Variants in DLGAP2 observed in about 807,000 individuals in gnomAD.
The protein encoded by DLGAP2 is DLG associated protein 2, also known as disks large-associated protein 2.
Under a neutral mutation model 100.3 loss-of-function variants are expected in DLGAP2, and 26 were observed. That is an observed-to-expected ratio of 0.26 (90% CI 0.19 to 0.36). The LOEUF is 0.36. DLGAP2 is among the 10% of genes least tolerant of loss of function. The pLI is 1.00. For missense variants in DLGAP2, 1,858 were observed against 1,453.2 expected, an observed-to-expected ratio of 1.28 and a Z score of -4.53; for synonymous variants, 886 against 630.1, an observed-to-expected ratio of 1.41 and a Z score of -6.08.
At position 786,382 on chromosome 8, in the gene DLGAP2, C is replaced by T. The variant is rs543896711; in HGVS notation, c.18+48557C>T. Among the ~76,000 whole-genome samples the T allele has an allele frequency of 4.5e-4, 69 of 152,280 alleles. No individual in the cohort carries two copies. In the East Asian group the frequency reaches 5.8e-3, roughly 13 times the overall value. ...GTGGTGCTTCTCATGCCTGCATCTTCCGGGGACAGCCACCATTTTCGTCGA... is the reference window on the plus strand; with the variant it reads ...GTGGTGCTTCTCATGCCTGCATCTTTCGGGGACAGCCACCATTTTCGTCGA... On this transcript the variant is annotated intron_variant, in intron 1 of 14. Transcript: ENST00000637795.
chr8:954,477 C>T (rs946877424), intron 2 of DLGAP2, among the ~76,000 whole-genome samples: 1 of 152,110 alleles, frequency 6.6e-6, no homozygotes, highest in Non-Finnish European at 1.5e-5. Flanking sequence ...TGTTCATTGA[C>T]TAGAGAATGT....
intron 2 of DLGAP2, among the ~76,000 whole-genome samples, chr8:963,308 C>G (rs904099112): frequency 2.0e-5 from 3 of 151,816 alleles, no homozygotes; most frequent in Non-Finnish European, 4.4e-5. Flanking sequence ...CAAGTCAGCT[C>G]TCAGATGTGA....
chr8:817,867 G>A (rs1027079844), intron 1 of DLGAP2, among the ~76,000 whole-genome samples: 1 of 152,216 alleles, frequency 6.6e-6, no homozygotes, highest in Non-Finnish European at 1.5e-5. Flanking sequence ...GGCGGAGGGG[G>A]CAGGGGAATG....
chr8:1,509,190 G>T (rs535802416), intron 4 of DLGAP2, among the ~76,000 whole-genome samples: 1 of 152,088 alleles, frequency 6.6e-6, no homozygotes, highest in African/African-American at 2.4e-5. Flanking sequence ...TATTAGCCGG[G>T]CATGGTGGCG....
chr8:1,313,436 C>G (rs1452758687), intron 3 of DLGAP2, among the ~76,000 whole-genome samples: 1 of 152,170 alleles, frequency 6.6e-6, no homozygotes, highest in Non-Finnish European at 1.5e-5. Flanking sequence ...CAGCTATGCT[C>G]TCACCTATAA....
intron 1 of DLGAP2, among the ~76,000 whole-genome samples, chr8:797,542 T>A (rs1468972249): frequency 6.6e-6 from 1 of 152,194 alleles, no homozygotes; most frequent in Non-Finnish European, 1.5e-5. Flanking sequence ...TAGACATTTG[T>A]TTTCATTTCT....
At chr8:1,451,269 A>G (rs964302041) in intron 3 of DLGAP2, among the ~76,000 whole-genome samples, 3 of 151,968 alleles carry the variant, frequency 2.0e-5, no homozygotes. Flanking sequence ...ACATAACTAC[A>G]CCACTAAAAC....
intron 3 of DLGAP2, among the ~76,000 whole-genome samples, chr8:1,374,875 C>T (rs190500441): frequency 4.7e-4 from 72 of 152,286 alleles, no homozygotes; most frequent in African/African-American, 1.4e-3. Context: ...CCTGGCACTT[C>T]GTCTTCCGTG....
At chr8:1,246,311 A>G (rs902241563) in intron 2 of DLGAP2, among the ~76,000 whole-genome samples, 1 of 152,190 alleles carries the variant, frequency 6.6e-6, no homozygotes, top group Admixed American at 6.5e-5. Flanking sequence ...CCCACTATTC[A>G]CAGTTCTGTT....
chr8:1,286,587 G>A (rs1365398954), intron 3 of DLGAP2, among the ~76,000 whole-genome samples: 1 of 152,144 alleles, frequency 6.6e-6, no homozygotes, highest in South Asian at 2.1e-4. Flanking sequence ...CCCTCTCCAT[G>A]CCCATACCCT....
intron 3 of DLGAP2, among the ~76,000 whole-genome samples, chr8:1,284,246 G>C (rs1232253873): frequency 6.6e-6 from 1 of 152,192 alleles, no homozygotes; most frequent in African/African-American, 2.4e-5. Flanking sequence ...ACATTTCCAG[G>C]AGAGATTTTT....
intron 2 of DLGAP2, among the ~76,000 whole-genome samples, chr8:970,727 G>GA (rs1476597465): frequency 6.6e-6 from 1 of 151,988 alleles, no homozygotes; most frequent in African/African-American, 2.4e-5. Flanking sequence ...TTTAGTGTAG[G>GA]AAAAAATGCC....
chr8:865,360 G>A (rs1171277152), intron 1 of DLGAP2, among the ~76,000 whole-genome samples: 1 of 152,190 alleles, frequency 6.6e-6, no homozygotes, highest in East Asian at 1.9e-4. Context: ...TTAGCTTCTG[G>A]CGGAGAAGAT....
chr8:1,249,419 G>T (rs4384002), intron 2 of DLGAP2, among the ~76,000 whole-genome samples: 2 of 152,076 alleles, frequency 1.3e-5, no homozygotes, highest in Non-Finnish European at 2.9e-5. Context: ...AACTACTGAG[G>T]CCTAAATACA....
At chr8:1,191,289 G>T (rs572469720) in intron 2 of DLGAP2, among the ~76,000 whole-genome samples, 1 of 150,600 alleles carries the variant, frequency 6.6e-6, no homozygotes, top group East Asian at 2.0e-4. Flanking sequence ...TCCTGCCTCA[G>T]CCTCCCGAGT....
intron 3 of DLGAP2, among the ~76,000 whole-genome samples, chr8:1,359,053 G>T (rs1286339575): frequency 6.6e-6 from 1 of 152,184 alleles, no homozygotes; most frequent in African/African-American, 2.4e-5. Context: ...CGGCAGGTCG[G>T]GGTGGGGCCC....
intron 3 of DLGAP2, among the ~76,000 whole-genome samples, chr8:1,344,116 C>CGGGGCCCTGTCGTGGGTCCGTGTACTT (rs1801488282): frequency 1.7e-5 from 1 of 57,262 alleles, no homozygotes; most frequent in African/African-American, 8.0e-5. Flanking sequence ...TCCATGTATT[C>CGGGGCCCTGTCGTGGGTCCGTGTACTT]GGGGCCCTGT....
intron 3 of DLGAP2, among the ~76,000 whole-genome samples, chr8:1,305,156 T>C (rs1800458554): frequency 6.6e-6 from 1 of 152,192 alleles, no homozygotes; most frequent in Non-Finnish European, 1.5e-5. Context: ...TCACTTCCCA[T>C]TCAGTGACCT....
intron 2 of DLGAP2, among the ~76,000 whole-genome samples, chr8:1,172,161 A>G (rs1797142662): frequency 1.3e-5 from 2 of 151,710 alleles, no homozygotes; most frequent in African/African-American, 4.8e-5. Context: ...TTGGCTGGAT[A>G]TGAAATTCTG....
Sources: gnomAD v4.1 joint callset for allele counts (sites outside exome capture counted in the v4.1 genomes callset) on GRCh38, gnomAD v4.1.1 for gene constraint, MANE v1.5 for transcripts, NCBI Gene and HGNC (gene_info 2026-07-23, HGNC 2026-07-21) for gene names.